Variants in NAA50 observed in about 807,000 individuals in gnomAD.
NAA50 encodes the protein N-alpha-acetyltransferase 50, NatE catalytic subunit, also known as N-alpha-acetyltransferase 50.
Under a neutral mutation model 20.7 loss-of-function variants are expected in NAA50, and 7 were observed. The ratio of observed to expected loss-of-function variants is 0.34; its 90% confidence interval spans 0.19 to 0.63. The LOEUF is 0.63. Ranked by LOEUF, NAA50 falls within the 30% of genes least tolerant of loss-of-function variation. The pLI, the probability that NAA50 is intolerant of heterozygous loss-of-function variation, is 0.75. For synonymous variants in NAA50, 54 were observed against 70.6 expected (o/e 0.77, Z 1.18); for missense variants, 111 against 199.1 (o/e 0.56, Z 2.66).
At chr3:113,742,393 C>G (rs1234872000) in intron 1 of NAA50, among the ~76,000 whole-genome samples, 1 of 151,004 alleles carries the variant, frequency 6.6e-6, no homozygotes, top group Non-Finnish European at 1.5e-5. Context: ...TCCCAAGTAG[C>G]TGGAACTACA....
chr3:113,743,098 TTAA>T (rs1708439589), intron 1 of NAA50, among the ~76,000 whole-genome samples: 1 of 152,162 alleles, frequency 6.6e-6, no homozygotes, highest in South Asian at 2.1e-4. Context: ...CATTCAGTAG[TTAA>T]TAACCGGAAA....
rs1431728600 is a variant in NAA50, at chr3:113,721,256, A to G, written c.*504T>C. ...ATAACAATGTTCCAACTCCCGAGAG[A>G]GTGCTCAGAAGGACTAAAGGTGGAG... On this transcript the variant is annotated 3_prime_UTR_variant, in exon 5 of 5. Coordinates refer to ENST00000240922, the MANE Select transcript of NAA50 (RefSeq NM_025146.4). 2 of 155,490 alleles carry G rather than the reference A, an allele frequency of 1.3e-5. No homozygotes were observed. Among genetic ancestry groups the G allele is most frequent in the Admixed American group, 1.3e-4 (2 of 15,450 alleles). 9.6% of individuals were successfully genotyped at this position (155,490 alleles called of 1,614,324 possible).
intron 1 of NAA50, chr3:113,741,315 C>G: frequency 2.9e-6 from 1 of 340,666 alleles, no homozygotes; most frequent in Non-Finnish European, 5.8e-6. Context: ...TGCTCAATCG[C>G]CAACTGTAGC....
At chr3:113,736,478 T>C (rs1708343526) in intron 1 of NAA50, among the ~76,000 whole-genome samples, 1 of 152,370 alleles carries the variant, frequency 6.6e-6, no homozygotes, top group Middle Eastern at 3.4e-3. Context: ...TAGACTATGC[T>C]AGTAAGAAAA....
chr3:113,724,762 G>A (rs79646146), intron 1 of NAA50, among the ~76,000 whole-genome samples: 2,978 of 152,168 alleles, frequency 0.02, 96 homozygotes, highest in African/African-American at 0.066. Flanking sequence ...GTTGTGAGAG[G>A]GACCCGGCGA....
In NAA50 at chr3:113,746,100, G is replaced by T. The variant is rs1342738037; in HGVS notation, c.-151C>A. On this transcript the variant is annotated 5_prime_UTR_variant, in exon 1 of 5. Coordinates refer to ENST00000240922, the MANE Select transcript of NAA50 (RefSeq NM_025146.4). Reference sequence around the variant, plus strand: ...GAGCTGTGCGAGCAACGAAGGCCGCGAGAGTCGAGTGAGGGCTTGAGTCTG... The same window carrying T: ...GAGCTGTGCGAGCAACGAAGGCCGCTAGAGTCGAGTGAGGGCTTGAGTCTG... The T allele has an allele frequency of 2.6e-5, 26 of 1,003,778 alleles. No homozygotes were observed. Among genetic ancestry groups the T allele is most frequent in the Non-Finnish European group, 3.8e-5 (26 of 692,132 alleles). 62.2% of individuals were successfully genotyped at this position (1,003,778 alleles called of 1,614,324 possible).
intron 1 of NAA50, among the ~76,000 whole-genome samples, chr3:113,728,385 A>G (rs547247487): frequency 1.3e-5 from 2 of 152,364 alleles, no homozygotes; most frequent in South Asian, 4.1e-4. Context: ...TCTGGTAGGA[A>G]AGACAGGTAT....
intron 1 of NAA50, among the ~76,000 whole-genome samples, chr3:113,744,710 A>T (rs1300788813): frequency 2.0e-5 from 3 of 152,242 alleles, no homozygotes; most frequent in Non-Finnish European, 2.9e-5. Flanking sequence ...TTATTAGTAC[A>T]AAACATACAA....
intron 1 of NAA50, among the ~76,000 whole-genome samples, chr3:113,745,484 G>A (rs1183430998): frequency 6.6e-6 from 1 of 152,072 alleles, no homozygotes; most frequent in Non-Finnish European, 1.5e-5. Flanking sequence ...CCTCCAGAAG[G>A]TTCTGCACAG....
At position 113,721,576 on chromosome 3, in the gene NAA50, A is replaced by G. The variant is rs539248152; in HGVS notation, c.*184T>C. ...AAAAATAAGAGAAAACAATTCAAACATGATTATTTTTTTAAAGTCCTTGAA... is the reference window on the plus strand; with the variant it reads ...AAAAATAAGAGAAAACAATTCAAACGTGATTATTTTTTTAAAGTCCTTGAA... On this transcript the variant is annotated 3_prime_UTR_variant, in exon 5 of 5. Transcript: ENST00000240922. 135 of 647,250 alleles carry G rather than the reference A, an allele frequency of 2.1e-4. No individual in the cohort carries two copies. In the South Asian group the frequency reaches 2.6e-3, roughly 13 times the overall value. 40.1% of individuals were successfully genotyped at this position (647,250 alleles called of 1,614,324 possible). A position where few individuals can be genotyped will look rare whatever the true frequency, so the allele number is the denominator to read the frequency against.
chr3:113,739,883 T>C (rs567960218), intron 1 of NAA50, among the ~76,000 whole-genome samples: 6 of 152,334 alleles, frequency 3.9e-5, no homozygotes, highest in African/African-American at 1.4e-4. Context: ...ACAAGTGACA[T>C]ACAAAATTTT....
At chr3:113,733,126 G>A (rs1708291729) in intron 1 of NAA50, among the ~76,000 whole-genome samples, 1 of 149,744 alleles carries the variant, frequency 6.7e-6, no homozygotes, top group Non-Finnish European at 1.5e-5. Context: ...CTTTTACATT[G>A]GATTGCTTGT....
chr3:113,736,147 T>C (rs1425194930), intron 1 of NAA50, among the ~76,000 whole-genome samples: 2 of 152,232 alleles, frequency 1.3e-5, no homozygotes, highest in Non-Finnish European at 2.9e-5. Flanking sequence ...GCCCTACCTG[T>C]AGAAAATTGA....
intron 2 of NAA50, 47 bp from the exon 3 acceptor site, chr3:113,723,588 A>G (rs1708162599): frequency 1.9e-6 from 3 of 1,545,680 alleles, no homozygotes; most frequent in Non-Finnish European, 2.6e-6. Flanking sequence ...ACAGAATAAC[A>G]CATTTAATCT....
chr3:113,717,732 C>A lies in NAA50; in HGVS notation c.*4028G>T, dbSNP rs1708075598. The stretch of plus-strand genomic sequence containing the variant: ...GAGACAGACTAGTCTCCCCTCCCCA[C>A]TGAAAACCCAACCACAAGAGCACAG... On this transcript the variant is annotated 3_prime_UTR_variant, in exon 5 of 5. Transcript: ENST00000240922. 6.6e-6 allele frequency: 1 copy of A among 152,260 alleles called. No individual in the cohort carries two copies. Among genetic ancestry groups the A allele is most frequent in the South Asian group, 2.1e-4 (1 of 4,836 alleles). 9.4% of individuals were successfully genotyped at this position (152,260 alleles called of 1,614,324 possible).
At chr3:113,738,782 C>T (rs965933697) in intron 1 of NAA50, among the ~76,000 whole-genome samples, 4 of 152,190 alleles carry the variant, frequency 2.6e-5, no homozygotes, top group Admixed American at 1.3e-4. Flanking sequence ...GGAACCCAAA[C>T]ATACCTTTAA....
chr3:113,730,579 CA>C (rs1303122848), intron 1 of NAA50, among the ~76,000 whole-genome samples: 3 of 152,100 alleles, frequency 2.0e-5, no homozygotes, highest in African/African-American at 7.2e-5. Flanking sequence ...TAATTACTCC[CA>C]AAACCTCCCA....
intron 1 of NAA50, among the ~76,000 whole-genome samples, chr3:113,740,517 C>T (rs1013448438): frequency 3.1e-5 from 4 of 127,700 alleles, no homozygotes; most frequent in African/African-American, 1.2e-4. Context: ...CAGGCACACA[C>T]CACCATACCC....
intron 1 of NAA50, chr3:113,741,237 T>TAC: frequency 2.3e-6 from 1 of 430,980 alleles, no homozygotes; most frequent in Non-Finnish European, 4.6e-6. Flanking sequence ...AGGTCCTCAG[T>TAC]ACACAGACTG....
Sources: gnomAD v4.1 joint callset for allele counts (sites outside exome capture counted in the v4.1 genomes callset) on GRCh38, gnomAD v4.1.1 for gene constraint, MANE v1.5 for transcripts, NCBI Gene and HGNC (gene_info 2026-07-23, HGNC 2026-07-21) for gene names.